The following DYNC1I1 variants were observed in gnomAD, a reference collection of about 807,000 sequenced individuals.
DYNC1I1 encodes the protein cytoplasmic dynein 1 intermediate chain 1.
In DYNC1I1, 43 loss-of-function variants were observed where a neutral mutation model predicts 86.6. The ratio of observed to expected loss-of-function variants is 0.50; its 90% CI spans 0.39 to 0.64. The LOEUF is 0.64. Ranked by LOEUF, DYNC1I1 falls within the 30% of genes least tolerant of loss-of-function variation. DYNC1I1 has a pLI of 0.00. For missense variants in DYNC1I1, 604 were observed against 788.8 expected (o/e 0.77, Z 2.81); for synonymous variants, 262 against 283.7 (o/e 0.92, Z 0.77).
intron 1 of DYNC1I1, among the ~76,000 whole-genome samples, 163 bp downstream of exon 1, chr7:95,772,936 G>A (rs570879591): frequency 4.6e-5 from 7 of 152,280 alleles, no homozygotes; most frequent in Non-Finnish European, 8.8e-5. Flanking sequence ...GCTCCTGCGT[G>A]CTCCGCTGAG....
intron 14 of DYNC1I1, among the ~76,000 whole-genome samples, chr7:96,071,750 A>C (rs1330692907): frequency 6.6e-6 from 1 of 152,246 alleles, no homozygotes; most frequent in African/African-American, 2.4e-5. Context: ...GATCATTAAC[A>C]GACTCAGGAA....
chr7:95,950,651 CA>C (rs1358040935), intron 6 of DYNC1I1, among the ~76,000 whole-genome samples: 1 of 152,182 alleles, frequency 6.6e-6, no homozygotes, highest in Non-Finnish European at 1.5e-5. Flanking sequence ...GAGTCCTAAC[CA>C]GAGCGTCAGT....
chr7:95,815,410 T>G (rs1273104440), intron 4 of DYNC1I1, among the ~76,000 whole-genome samples: 2 of 152,190 alleles, frequency 1.3e-5, no homozygotes, highest in Non-Finnish European at 2.9e-5. Context: ...AAATTTGCAT[T>G]GAAAAATGCT....
intron 10 of DYNC1I1, among the ~76,000 whole-genome samples, chr7:96,003,121 G>A (rs1225434687): frequency 1.3e-5 from 2 of 152,172 alleles, no homozygotes; most frequent in Non-Finnish European, 1.5e-5. Flanking sequence ...GGGATTACAG[G>A]CGTGAGCCAT....
Position 95,792,043 on chromosome 7 carries a change from A to G in DYNC1I1, c.-9-12678A>G, listed in dbSNP as rs116622881. On this transcript the variant is annotated intron_variant, in intron 1 of 16. Coordinates refer to ENST00000447467, the MANE Select transcript of DYNC1I1 (RefSeq NM_001135556.2). The stretch of plus-strand genomic sequence containing the variant: ...TGAAAATATGCACAATATGGACATA[A>G]TGTCTCCAATAGTTGTTTAGCAATT... 6.3e-3 allele frequency among the ~76,000 whole-genome samples: 957 copies of G among 152,350 alleles called. 9 individuals carry two copies. Among genetic ancestry groups the G allele is most frequent in the African/African-American group, 0.022 (901 of 41,596 alleles).
At chr7:95,811,059 T>G (rs1302146623) in intron 3 of DYNC1I1, among the ~76,000 whole-genome samples, 1 of 152,172 alleles carries the variant, frequency 6.6e-6, no homozygotes, top group East Asian at 1.9e-4. Flanking sequence ...GATTACTAAT[T>G]GGCATTTTCA....
chr7:96,068,829 G>C (rs1286491507), intron 14 of DYNC1I1, among the ~76,000 whole-genome samples: 7 of 151,616 alleles, frequency 4.6e-5, no homozygotes, highest in Non-Finnish European at 1.5e-5. Flanking sequence ...TTTATATATA[G>C]GTGAAATGGG....
At chr7:96,079,799 G>A (rs2116263542) in intron 15 of DYNC1I1, among the ~76,000 whole-genome samples, 1 of 152,116 alleles carries the variant, frequency 6.6e-6, no homozygotes, top group Non-Finnish European at 1.5e-5. Flanking sequence ...GAGAATTTGA[G>A]TTTTTTGAAA....
chr7:96,077,654 A>AG (rs1790385201), intron 15 of DYNC1I1, among the ~76,000 whole-genome samples: 2 of 152,182 alleles, frequency 1.3e-5, no homozygotes, highest in South Asian at 2.1e-4. Flanking sequence ...AACCAAAAAA[A>AG]CTAACATTTT....
At chr7:95,897,394 C>G (rs1394232565) in intron 6 of DYNC1I1, among the ~76,000 whole-genome samples, 2 of 152,004 alleles carry the variant, frequency 1.3e-5, no homozygotes, top group African/African-American at 4.8e-5. Flanking sequence ...TCTCTCCCTG[C>G]CCCCCAGACA....
chr7:95,880,477 A>G (rs1241535286), intron 6 of DYNC1I1, among the ~76,000 whole-genome samples: 4 of 151,930 alleles, frequency 2.6e-5, no homozygotes, highest in East Asian at 1.9e-4. Flanking sequence ...AGGGGTTACA[A>G]GTTACTTTCT....
intron 6 of DYNC1I1, among the ~76,000 whole-genome samples, chr7:95,920,864 A>G (rs1791592007): frequency 6.6e-6 from 1 of 152,218 alleles, no homozygotes; most frequent in African/African-American, 2.4e-5. Context: ...TTTATCTTAC[A>G]GAAGGTGTTT....
chr7:95,790,878 G>T (rs1750043190), intron 1 of DYNC1I1, among the ~76,000 whole-genome samples: 1 of 152,102 alleles, frequency 6.6e-6, no homozygotes, highest in South Asian at 2.1e-4. Context: ...TTACCTTAGA[G>T]GCCTCTTCTC....
At chr7:95,914,185 A>G (rs1312537429) in intron 6 of DYNC1I1, among the ~76,000 whole-genome samples, 1 of 152,218 alleles carries the variant, frequency 6.6e-6, no homozygotes, top group Non-Finnish European at 1.5e-5. Context: ...ATCATGAATC[A>G]TATTACTATT....
At chr7:95,875,019 C>T (rs1790271901) in intron 6 of DYNC1I1, among the ~76,000 whole-genome samples, 1 of 152,174 alleles carries the variant, frequency 6.6e-6, no homozygotes, top group Admixed American at 6.5e-5. Flanking sequence ...GCTTGGAAAC[C>T]TCTAACTCTC....
chr7:96,109,978 G>C lies in DYNC1I1; in HGVS notation c.1543-1G>C, dbSNP rs772811298. The C allele has an allele frequency of 1.8e-5, 6 of 341,450 alleles. No homozygotes were observed. The highest frequency in any genetic ancestry group is 6.6e-5 in the South Asian group (3 of 45,286). 21.2% of individuals were successfully genotyped at this position (341,450 alleles called of 1,614,324 possible). ...CCTTTTTTTTCTTTTTGTGGACACA[G>C]GGTCTTGCTATGTTGCCAGGCTGGT... On this transcript the variant is annotated splice_acceptor_variant, in intron 16 of 16. Coordinates refer to the DYNC1I1 transcript ENST00000537881. LOFTEE classifies it high-confidence loss of function.
chr7:95,994,662 T>C lies in DYNC1I1; in HGVS notation c.844-1286T>C, dbSNP rs73397060. ...AGCAGGAAAGGCAAAAAATGACAGATTATTAAGGATCCTCTGTGACCTGCA... is the reference window on the plus strand; with the variant it reads ...AGCAGGAAAGGCAAAAAATGACAGACTATTAAGGATCCTCTGTGACCTGCA... On this transcript the variant is annotated intron_variant, in intron 9 of 16. Coordinates refer to ENST00000447467, the MANE Select transcript of DYNC1I1 (RefSeq NM_001135556.2). 9.3e-3 allele frequency among the ~76,000 whole-genome samples: 1,422 copies of C among 152,134 alleles called. 20 individuals carry two copies. Among genetic ancestry groups the C allele is most frequent in the African/African-American group, 0.032 (1,344 of 41,486 alleles).
intron 4 of DYNC1I1, among the ~76,000 whole-genome samples, chr7:95,827,674 G>A (rs1348082749): frequency 6.6e-6 from 1 of 152,116 alleles, no homozygotes; most frequent in Non-Finnish European, 1.5e-5. Context: ...TCACCACATA[G>A]AAGATGCTTG....
intron 16 of DYNC1I1, among the ~76,000 whole-genome samples, chr7:96,082,810 T>G (rs1183070925): frequency 6.6e-6 from 1 of 152,226 alleles, no homozygotes; most frequent in Non-Finnish European, 1.5e-5. Flanking sequence ...TTGGCTGATA[T>G]GTGGCTGCTA....
Sources: gnomAD v4.1 joint callset for allele counts (sites outside exome capture counted in the v4.1 genomes callset) on GRCh38, gnomAD v4.1.1 for gene constraint, MANE v1.5 for transcripts, NCBI Gene and HGNC (gene_info 2026-07-23, HGNC 2026-07-21) for gene names.